SGCZ: variants seen among roughly 807,000 people sequenced by gnomAD.
The protein encoded by SGCZ is zeta-sarcoglycan.
A neutral mutation model predicts 41.3 loss-of-function variants in SGCZ; 40 were observed. That is an observed-to-expected ratio of 0.97 (90% CI 0.75 to 1.26). The LOEUF (loss-of-function observed/expected upper bound fraction) is 1.26, where lower values mean the gene tolerates loss of function less well. Among genes scored for constraint, SGCZ ranks in the 50% most tolerant of loss-of-function variants. The probability of loss-of-function intolerance (pLI) is 0.00; values close to 1 mark genes in which losing one functional copy is unlikely to be tolerated. For synonymous variants in SGCZ, 206 were observed against 137.5 expected, an observed-to-expected ratio of 1.50 and a Z score of -3.49; for missense variants, 552 against 369.8, an observed-to-expected ratio of 1.49 and a Z score of -4.04.
intron 4 of SGCZ, among the ~76,000 whole-genome samples, chr8:14,173,068 C>T (rs1384175830): frequency 4.6e-5 from 7 of 152,010 alleles, no homozygotes; most frequent in Admixed American, 4.6e-4. Context: ...ACTATTTAGA[C>T]TGTAAAATAA....
At chr8:14,261,295 C>A (rs1799657704) in intron 3 of SGCZ, among the ~76,000 whole-genome samples, 1 of 151,994 alleles carries the variant, frequency 6.6e-6, no homozygotes, top group African/African-American at 2.4e-5. Flanking sequence ...ATTTAATAAG[C>A]ACATAGAATG....
At chr8:14,259,672 T>C (rs28485706) in intron 3 of SGCZ, among the ~76,000 whole-genome samples, 37,044 of 121,722 alleles carry the variant, frequency 0.3, 7,071 homozygotes, top group Non-Finnish European at 0.43. Flanking sequence ...TGATCTATAT[T>C]TCTGTTTTGG....
intron 1 of SGCZ, among the ~76,000 whole-genome samples, chr8:15,220,773 T>C (rs1322152882): frequency 2.6e-5 from 4 of 152,096 alleles, no homozygotes; most frequent in Non-Finnish European, 4.4e-5. Flanking sequence ...CAAATGTCCA[T>C]CAGTGATAAA....
At chr8:14,276,009 A>T (rs1249761410) in intron 3 of SGCZ, among the ~76,000 whole-genome samples, 1 of 152,214 alleles carries the variant, frequency 6.6e-6, no homozygotes, top group African/African-American at 2.4e-5. Flanking sequence ...CCTAGGGGAC[A>T]TATATCACCT....
chr8:14,376,587 A>G (rs1378593285), intron 2 of SGCZ, among the ~76,000 whole-genome samples: 1 of 152,090 alleles, frequency 6.6e-6, no homozygotes, highest in African/African-American at 2.4e-5. Context: ...ACTCTACCCA[A>G]CCTTCAAAAA....
intron 1 of SGCZ, among the ~76,000 whole-genome samples, chr8:14,720,144 A>C (rs558924589): frequency 1.4e-4 from 22 of 151,930 alleles, no homozygotes; most frequent in Non-Finnish European, 2.2e-4. Flanking sequence ...AGACTATCTG[A>C]TCTTGGCCAC....
intron 1 of SGCZ, among the ~76,000 whole-genome samples, chr8:14,887,650 G>A (rs369960087): frequency 6.6e-6 from 1 of 152,108 alleles, no homozygotes; most frequent in African/African-American, 2.4e-5. Context: ...ATAACTAGAT[G>A]CAGGTTAGAG....
intron 3 of SGCZ, among the ~76,000 whole-genome samples, chr8:14,279,267 A>G (rs750683400): frequency 2.6e-5 from 4 of 152,072 alleles, no homozygotes; most frequent in Non-Finnish European, 5.9e-5. Context: ...AAAACATAGC[A>G]TTTACAAACT....
intron 1 of SGCZ, among the ~76,000 whole-genome samples, chr8:14,909,539 T>G (rs1454593683): frequency 6.6e-6 from 1 of 152,192 alleles, no homozygotes; most frequent in African/African-American, 2.4e-5. Context: ...AAGTCTTATA[T>G]TACGTCATAC....
rs1167124926 is a variant in SGCZ, at chr8:14,219,376, A to G, written c.424+18216T>C. 2.0e-5 allele frequency among the ~76,000 whole-genome samples: 3 copies of G among 152,212 alleles called. No homozygotes were observed. The East Asian group carries it at 5.8e-4, about 29-fold the overall frequency. On this transcript the variant is annotated intron_variant, in intron 4 of 7. Transcript: ENST00000382080. ...ATGCAACAAAAACTGCAATGCCTGC[A>G]GCCGGTATTGGTCAACAGAAAGGGC...
chr8:14,680,443 G>A (rs1471146982), intron 1 of SGCZ, among the ~76,000 whole-genome samples: 1 of 152,004 alleles, frequency 6.6e-6, no homozygotes, highest in African/African-American at 2.4e-5. Context: ...ATGTATGCAT[G>A]GTGGCAATAT....
At chr8:14,266,175 C>T (rs1799858268) in intron 3 of SGCZ, among the ~76,000 whole-genome samples, 1 of 152,070 alleles carries the variant, frequency 6.6e-6, no homozygotes, top group African/African-American at 2.4e-5. Flanking sequence ...TAAGAGATAT[C>T]ATAATCAAAC....
chr8:14,729,812 T>A (rs1232913038), intron 1 of SGCZ, among the ~76,000 whole-genome samples: 1 of 152,166 alleles, frequency 6.6e-6, no homozygotes, highest in Non-Finnish European at 1.5e-5. Context: ...AGGGAAGGCA[T>A]GGTGGCTCAC....
At chr8:14,518,303 T>A (rs563681257) in intron 2 of SGCZ, among the ~76,000 whole-genome samples, 2 of 152,208 alleles carry the variant, frequency 1.3e-5, no homozygotes, top group East Asian at 3.9e-4. Context: ...TATTCTAATA[T>A]TTATATGTCC....
chr8:14,819,614 T>C (rs945470062), intron 1 of SGCZ, among the ~76,000 whole-genome samples: 6 of 152,102 alleles, frequency 3.9e-5, no homozygotes, highest in African/African-American at 1.4e-4. Flanking sequence ...GCAGTGTAAA[T>C]CTTTCAATAC....
chr8:14,408,959 G>GTGTGTGTGTGTGTGTT (rs1217066958), intron 2 of SGCZ, among the ~76,000 whole-genome samples: 6 of 121,350 alleles, frequency 4.9e-5, no homozygotes, highest in African/African-American at 2.3e-4. Context: ...GAGAGTGTGT[G>GTGTGTGTGTGTGTGTT]TGTGTGTGTG....
chr8:14,851,720 T>C (rs1030958795), intron 1 of SGCZ, among the ~76,000 whole-genome samples: 1 of 152,210 alleles, frequency 6.6e-6, no homozygotes, highest in Non-Finnish European at 1.5e-5. Context: ...CATTTATATA[T>C]ATCTATCCTT....
chr8:15,128,579 T>C (rs1807788356), intron 1 of SGCZ, among the ~76,000 whole-genome samples: 1 of 152,218 alleles, frequency 6.6e-6, no homozygotes. Context: ...ACTCTCTCAC[T>C]GCTGGTGACA....
chr8:14,373,343 G>C (rs7815257), intron 2 of SGCZ, among the ~76,000 whole-genome samples: 8,352 of 152,256 alleles, frequency 0.055, 775 homozygotes, highest in African/African-American at 0.19. Flanking sequence ...TGATCCCTAA[G>C]TGGTTGAGAC....
Sources: allele counts gnomAD v4.1 joint callset (sites outside exome capture counted in the v4.1 genomes callset), GRCh38; gene constraint gnomAD v4.1.1; transcripts MANE v1.5; gene names NCBI Gene and HGNC (gene_info 2026-07-23, HGNC 2026-07-21).